The following ATAD5 variants were observed in gnomAD, a reference collection of about 807,000 sequenced individuals.
ATAD5 encodes ATPase family AAA domain containing 5, also known as ATPase family AAA domain-containing protein 5.
Under a neutral mutation model 176.9 loss-of-function variants are expected in ATAD5, and 58 were observed. The observed-to-expected ratio is 0.33, with a 90% CI of 0.27 to 0.41. The LOEUF (loss-of-function observed/expected upper bound fraction) is 0.41. ATAD5 is among the 10% of genes least tolerant of loss of function. The pLI, the probability that ATAD5 is intolerant of heterozygous loss-of-function variation, is 1.00. For synonymous variants in ATAD5, 640 were observed against 712.6 expected (o/e 0.90, Z 1.62); for missense variants, 1,789 against 2,094.1 (o/e 0.85, Z 2.84).
intron 7 of ATAD5, 134 bp downstream of exon 7, chr17:30,855,461 C>T (rs977372014): frequency 1.9e-5 from 18 of 939,908 alleles, no homozygotes; most frequent in Non-Finnish European, 2.6e-5. Context: ...ATTTTAAGGA[C>T]AATTTCTCTC....
At position 30,834,361 on chromosome 17, in the gene ATAD5, A is replaced by G; in HGVS notation, c.280A>G (p.Ser94Gly). The G allele has an allele frequency of 1.2e-6, 2 of 1,610,152 alleles. No individual in the cohort carries two copies. The highest frequency in any genetic ancestry group is 4.5e-5 in the East Asian group (2 of 44,784). ...IKSPESVPVD[S>G]NKDCTTPLEM... is the part of the protein sequence containing the mutation. ...GTCACCTGAATCAGTACCTGTTGAC[A>G]GCAACAAAGACTGTACGACACCTTT... The change falls in exon 2 of 23, where the codon AGC becomes GGC. Residue 94 changes from serine to glycine, a missense_variant. Ser to Gly is a moderately conservative substitution (Grantham distance 56). Coordinates refer to ENST00000321990, the MANE Select transcript of ATAD5 (RefSeq NM_024857.5).
rs186417181 is a variant in ATAD5, at chr17:30,834,973, G to A, written c.892G>A (p.Glu298Lys). 578 of 1,613,968 alleles carry A rather than the reference G, an allele frequency of 3.6e-4. 3 individuals carry two copies. In the Middle Eastern group the frequency reaches 5.8e-3, roughly 16 times the overall value. Residue 298 changes from glutamate (E) to lysine (K), a missense_variant, in exon 2 of 23, where the codon GAA (glutamate) becomes AAA (lysine). This residue lies in a region of ATAD5 where 696 missense variants were observed against 712.5 expected (regional missense o/e 0.98). Coordinates refer to ENST00000321990, the MANE Select transcript of ATAD5 (RefSeq NM_024857.5). The part of the protein sequence containing the change: ...SICVPSETVD[E>K]IVKSGYISES... The stretch of plus-strand genomic sequence containing the variant: ...TTGTGTTCCTTCTGAAACTGTCGAC[G>A]AAATAGTCAAAAGTGGTTATATAAG...
chr17:30,854,228 TATA>T (rs1326807814), intron 6 of ATAD5, among the ~76,000 whole-genome samples: 1 of 147,242 alleles, frequency 6.8e-6, no homozygotes, highest in African/African-American at 2.5e-5. Flanking sequence ...ATATAAATTA[TATA>T]ATTATATTTT....
chr17:30,866,068 T>C (rs961604102), intron 11 of ATAD5, among the ~76,000 whole-genome samples: 2 of 152,004 alleles, frequency 1.3e-5, no homozygotes, highest in East Asian at 3.9e-4. Context: ...TTACTACTAA[T>C]TCAGGTCCCC....
chr17:30,832,566 CAG>C (rs1304880459), intron 1 of ATAD5, among the ~76,000 whole-genome samples, 153 bp downstream of exon 1: 1 of 152,138 alleles, frequency 6.6e-6, no homozygotes, highest in African/African-American at 2.4e-5. Context: ...CAACAGTTGC[CAG>C]AGTGTGTCGT....
chr17:30,832,223 C>A lies in ATAD5; in HGVS notation c.-125C>A. ...TCTCTGTCGGTGGGCGCGGGGGAAT[C>A]CGAAACGGCTCAGCAGAATCCCAGC... On this transcript the variant is annotated 5_prime_UTR_variant, in exon 1 of 23. Transcript: ENST00000321990. 1.3e-6 allele frequency: 1 copy of A among 783,078 alleles called. No homozygotes were observed. The highest frequency in any genetic ancestry group is 1.8e-6 in the Non-Finnish European group (1 of 545,224). The allele number at this position is 783,078 out of a possible 1,614,324, so 48.5% of individuals were successfully genotyped here.
At chr17:30,839,302 T>G (rs1905940338) in intron 3 of ATAD5, among the ~76,000 whole-genome samples, 1 of 151,980 alleles carries the variant, frequency 6.6e-6, no homozygotes, top group Non-Finnish European at 1.5e-5. Flanking sequence ...TTTTTTTCTT[T>G]TTGAGACGGA....
At chr17:30,874,225 C>T (rs574765283) in intron 14 of ATAD5, among the ~76,000 whole-genome samples, 1 of 149,962 alleles carries the variant, frequency 6.7e-6, no homozygotes, top group South Asian at 2.2e-4. Flanking sequence ...TCAAGCAGTC[C>T]TTGGTCTATA....
At chr17:30,885,208 G>C (rs976972063) in intron 18 of ATAD5, among the ~76,000 whole-genome samples, 5 of 151,914 alleles carry the variant, frequency 3.3e-5, no homozygotes, top group African/African-American at 9.7e-5. Context: ...TTAGAAACAG[G>C]GTCTCTCTGT....
At chr17:30,871,930 G>A (rs1908361488) in intron 14 of ATAD5, among the ~76,000 whole-genome samples, 1 of 152,056 alleles carries the variant, frequency 6.6e-6, no homozygotes, top group African/African-American at 2.4e-5. Context: ...TCTTGTGTAT[G>A]TGTTTGTTTT....
At chr17:30,886,806 T>A (rs1163336814) in intron 18 of ATAD5, among the ~76,000 whole-genome samples, 2 of 152,170 alleles carry the variant, frequency 1.3e-5, no homozygotes. Flanking sequence ...ACCTGGTTTT[T>A]AAAAAATTGT....
chr17:30,834,449 T>A lies in ATAD5; in HGVS notation c.368T>A (p.Leu123Gln). 1.3e-6 allele frequency: 2 copies of A among 1,591,368 alleles called. No individual in the cohort carries two copies. Among genetic ancestry groups the A allele is most frequent in the Non-Finnish European group, 1.7e-6 (2 of 1,170,302 alleles). ...KRKRVNLSHQ[L>Q]NNIKTENEAP... Reference sequence around the variant, plus strand: ...AAGAGGGTTAATTTATCTCATCAACTAAATAATATTAAAACTGAAAATGAA... The same window carrying A: ...AAGAGGGTTAATTTATCTCATCAACAAAATAATATTAAAACTGAAAATGAA... Residue 123 changes from leucine (L) to glutamine (Q), a missense_variant, in exon 2 of 23, where the codon CTA becomes CAA. Leu to Gln is a moderately radical substitution (Grantham distance 113). This residue lies in a region of ATAD5 where 696 missense variants were observed against 712.5 expected (regional missense o/e 0.98). Transcript: ENST00000321990.
At chr17:30,870,325 C>T (rs771127172) in intron 14 of ATAD5, among the ~76,000 whole-genome samples, 10 of 152,010 alleles carry the variant, frequency 6.6e-5, no homozygotes, top group Non-Finnish European at 1.3e-4. Flanking sequence ...GAATCTGAGT[C>T]ATTTGTCATG....
At position 30,835,802 on chromosome 17, in the gene ATAD5, T is replaced by C; in HGVS notation, c.1721T>C (p.Leu574Pro). 1.2e-6 allele frequency: 2 copies of C among 1,613,532 alleles called. No individual in the cohort carries two copies. The highest frequency in any genetic ancestry group is 1.7e-6 in the Non-Finnish European group (2 of 1,179,854). Residue 574 changes from leucine (L) to proline (P), a missense_variant, in exon 2 of 23, where the codon CTT (leucine) becomes CCT (proline). Coordinates refer to ENST00000321990, the MANE Select transcript of ATAD5 (RefSeq NM_024857.5). ...KTSIPVKDIK[L>P]TQSKAESEAS... ...AGCATACCAGTTAAAGATATTAAGC[T>C]TACACAGTCTAAAGCTGAATCTGAA...
At chr17:30,868,159 A>C (rs547834063) in intron 11 of ATAD5, among the ~76,000 whole-genome samples, 174 bp from the exon 12 acceptor site, 1 of 152,246 alleles carries the variant, frequency 6.6e-6, no homozygotes, top group Non-Finnish European at 1.5e-5. Flanking sequence ...GAAACTAACA[A>C]TATGCCATAT....
intron 14 of ATAD5, among the ~76,000 whole-genome samples, chr17:30,874,024 G>C (rs868557901): frequency 6.6e-6 from 1 of 151,980 alleles, no homozygotes; most frequent in Non-Finnish European, 1.5e-5. Context: ...AATTAGCCAG[G>C]TGTGGTGGTG....
intron 18 of ATAD5, among the ~76,000 whole-genome samples, chr17:30,880,506 GCTGT>G (rs1446972834): frequency 6.6e-6 from 1 of 151,940 alleles, no homozygotes; most frequent in African/African-American, 2.4e-5. Context: ...TACTTGGGAG[GCTGT>G]GGCAGGAGAA....
At chr17:30,885,707 C>T (rs1483249495) in intron 18 of ATAD5, among the ~76,000 whole-genome samples, 5 of 139,438 alleles carry the variant, frequency 3.6e-5, no homozygotes, top group Admixed American at 3.1e-4. Context: ...AATTTCGGCT[C>T]ACTGCAACCT....
intron 7 of ATAD5, among the ~76,000 whole-genome samples, chr17:30,856,064 G>A (rs1385096394): frequency 6.6e-6 from 1 of 152,104 alleles, no homozygotes; most frequent in African/African-American, 2.4e-5. Context: ...AATTAGTTAT[G>A]CTTTTCTTGA....
Sources: allele counts gnomAD v4.1 joint callset (sites outside exome capture counted in the v4.1 genomes callset), GRCh38; gene constraint gnomAD v4.1.1; regional missense constraint gnomAD v4.1.1; transcripts MANE v1.5; gene names NCBI Gene and HGNC (gene_info 2026-07-23, HGNC 2026-07-21).